Variants in KCNAB1 observed in about 807,000 individuals in gnomAD.
KCNAB1 encodes voltage-gated potassium channel subunit beta-1.
A neutral mutation model predicts 64.6 loss-of-function variants in KCNAB1; 35 were observed. The ratio of observed to expected loss-of-function variants is 0.54; its 90% confidence interval spans 0.41 to 0.72. The LOEUF is 0.72. Ranked by LOEUF, KCNAB1 falls within the 30% of genes least tolerant of loss-of-function variation. The pLI is 0.00. For synonymous variants in KCNAB1, 177 were observed against 183.8 expected (o/e 0.96, Z 0.30); for missense variants, 401 against 512.9 (o/e 0.78, Z 2.11).
intron 1 of KCNAB1, among the ~76,000 whole-genome samples, chr3:156,302,734 C>G (rs1283973889): frequency 6.6e-6 from 1 of 152,168 alleles, no homozygotes; most frequent in East Asian, 1.9e-4. Flanking sequence ...CGAGGAGTAT[C>G]TCTTTTTTCT....
intron 1 of KCNAB1, among the ~76,000 whole-genome samples, chr3:156,171,260 G>T (rs1416632448): frequency 6.8e-6 from 1 of 147,252 alleles, no homozygotes; most frequent in Non-Finnish European, 1.5e-5. Flanking sequence ...ATTTTAACCT[G>T]TGTCACCCCT....
intron 1 of KCNAB1, among the ~76,000 whole-genome samples, chr3:156,395,159 A>G (rs1460530751): frequency 6.6e-6 from 1 of 152,200 alleles, no homozygotes; most frequent in East Asian, 1.9e-4. Context: ...TACATAGTAC[A>G]ATTTTCATTG....
chr3:156,522,646 A>G (rs1718031937), intron 11 of KCNAB1, among the ~76,000 whole-genome samples: 2 of 152,190 alleles, frequency 1.3e-5, no homozygotes, highest in African/African-American at 4.8e-5. Context: ...TAACTCAAAA[A>G]AATCACAATA....
chr3:156,219,893 G>T (rs1038612846), intron 1 of KCNAB1, among the ~76,000 whole-genome samples: 5 of 150,908 alleles, frequency 3.3e-5, no homozygotes, highest in African/African-American at 1.2e-4. Context: ...ACAGGCCCCA[G>T]TGTGTGATGT....
chr3:156,318,188 A>C (rs1054130720), intron 1 of KCNAB1, among the ~76,000 whole-genome samples: 2 of 152,342 alleles, frequency 1.3e-5, no homozygotes, highest in Non-Finnish European at 1.5e-5. Flanking sequence ...TAAGCAGGAT[A>C]GGGGGCAAAA....
chr3:156,138,914 G>T (rs997685811), intron 1 of KCNAB1, among the ~76,000 whole-genome samples: 2 of 152,068 alleles, frequency 1.3e-5, no homozygotes, highest in Non-Finnish European at 2.9e-5. Flanking sequence ...CAGGCCTCCC[G>T]TGCTCCATCA....
chr3:156,243,929 C>T (rs1717310002), intron 1 of KCNAB1, among the ~76,000 whole-genome samples: 1 of 152,284 alleles, frequency 6.6e-6, no homozygotes, highest in South Asian at 2.1e-4. Context: ...CCACCAAATG[C>T]TTGACTGCAA....
chr3:156,122,330 A>G (rs1713397005), intron 1 of KCNAB1, among the ~76,000 whole-genome samples: 1 of 152,250 alleles, frequency 6.6e-6, no homozygotes, highest in Non-Finnish European at 1.5e-5. Flanking sequence ...AAAGGAAAGC[A>G]TTGAAAATGG....
chr3:156,176,134 T>A, intron 1 of KCNAB1: 1 of 769,534 alleles, frequency 1.3e-6, no homozygotes, highest in Non-Finnish European at 2.4e-6. Flanking sequence ...TGGCCAGACA[T>A]CCCAGACACG....
chr3:156,292,615 C>T (rs1024944839), intron 1 of KCNAB1, among the ~76,000 whole-genome samples: 8 of 152,098 alleles, frequency 5.3e-5, no homozygotes, highest in Admixed American at 2.6e-4. Flanking sequence ...TGGGCTCTGT[C>T]GCCTGGGAAA....
At chr3:156,285,525 G>A (rs1720051744) in intron 1 of KCNAB1, among the ~76,000 whole-genome samples, 1 of 152,006 alleles carries the variant, frequency 6.6e-6, no homozygotes, top group Non-Finnish European at 1.5e-5. Flanking sequence ...GGGGGATGGG[G>A]GGGTCTCACT....
chr3:156,475,691 G>A (rs180928671), intron 8 of KCNAB1, among the ~76,000 whole-genome samples: 7 of 152,280 alleles, frequency 4.6e-5, no homozygotes, highest in Non-Finnish European at 7.4e-5. Flanking sequence ...AGGTAACTTT[G>A]TCCTTGATGA....
chr3:156,461,643 G>A (rs1293842129), intron 5 of KCNAB1, among the ~76,000 whole-genome samples: 1 of 152,184 alleles, frequency 6.6e-6, no homozygotes, highest in Non-Finnish European at 1.5e-5. Context: ...GGCGTAGGCT[G>A]CTGGAGTACA....
chr3:156,212,688 G>T (rs1039619778), intron 1 of KCNAB1, among the ~76,000 whole-genome samples: 1 of 152,132 alleles, frequency 6.6e-6, no homozygotes, highest in East Asian at 1.9e-4. Flanking sequence ...TTGATGATTG[G>T]GTTAAAATCA....
intron 1 of KCNAB1, among the ~76,000 whole-genome samples, chr3:156,263,879 A>G (rs527317257): frequency 6.6e-6 from 1 of 152,174 alleles, no homozygotes; most frequent in East Asian, 1.9e-4. Flanking sequence ...GAATCTGCAG[A>G]TAGGGAGGGC....
chr3:156,361,771 A>C (rs1725631264), intron 1 of KCNAB1, among the ~76,000 whole-genome samples: 1 of 152,184 alleles, frequency 6.6e-6, no homozygotes, highest in Admixed American at 6.5e-5. Context: ...GGATCCTCCC[A>C]CTTCAGCCTC....
intron 1 of KCNAB1, among the ~76,000 whole-genome samples, chr3:156,234,138 G>A (rs931653406): frequency 6.6e-6 from 1 of 152,086 alleles, no homozygotes; most frequent in African/African-American, 2.4e-5. Flanking sequence ...GAATTCCCCA[G>A]GGGCTGGGGT....
chr3:156,432,923 T>G (rs1012295130), intron 2 of KCNAB1, among the ~76,000 whole-genome samples: 24 of 152,166 alleles, frequency 1.6e-4, no homozygotes, highest in Admixed American at 6.5e-5. Context: ...CCCCTCCTTT[T>G]CAGTGCCTTC....
At chr3:156,357,165 A>G (rs200343999) in intron 1 of KCNAB1, among the ~76,000 whole-genome samples, 21,385 of 151,684 alleles carry the variant, frequency 0.14, 1,667 homozygotes, top group Middle Eastern at 0.21. Context: ...GCGCGCACAC[A>G]CACACACACA....
Sources: gnomAD v4.1 joint callset for allele counts (sites outside exome capture counted in the v4.1 genomes callset) on GRCh38, gnomAD v4.1.1 for gene constraint, MANE v1.5 for transcripts, NCBI Gene and HGNC (gene_info 2026-07-23, HGNC 2026-07-21) for gene names.